Variants in SHROOM2 observed in about 807,000 individuals in gnomAD.
The protein encoded by SHROOM2 is shroom family member 2, also known as protein Shroom2.
Under a neutral mutation model 75.9 loss-of-function variants are expected in SHROOM2, and 33 were observed. The ratio of observed to expected loss-of-function variants is 0.43; its 90% CI spans 0.33 to 0.58. SHROOM2 has a LOEUF of 0.58. Among genes scored for constraint, SHROOM2 ranks in the 20% least tolerant of loss-of-function variants. SHROOM2 has a pLI of 0.04. For synonymous variants in SHROOM2, 655 were observed against 663.6 expected (o/e 0.99, Z 0.20); for missense variants, 1,434 against 1,461.2 (o/e 0.98, Z 0.30).
chrX:9,822,673 G>A (rs1289290975), intron 1 of SHROOM2, among the ~76,000 whole-genome samples: 5 of 112,664 alleles, frequency 4.4e-5, no homozygotes, highest in African/African-American at 1.6e-4. Context: ...CTGGCTCCTG[G>A]ATCTGTGCTC....
chrX:9,813,645 G>T (rs762466786), intron 1 of SHROOM2, among the ~76,000 whole-genome samples: 61 of 111,892 alleles, frequency 5.5e-4, no homozygotes, highest in African/African-American at 1.9e-3. Flanking sequence ...TCTGGAAATT[G>T]ATTGAGGGGC....
chrX:9,891,868 GGTGT>G (rs113988652), intron 3 of SHROOM2, among the ~76,000 whole-genome samples: 2,294 of 103,738 alleles, frequency 0.022, 50 homozygotes, highest in East Asian at 0.091. Context: ...GAGCATGTTT[GGTGT>G]GTGTGTGTGT....
intron 3 of SHROOM2, 67 bp from the exon 4 acceptor site, chrX:9,894,291 C>T (rs976675586): frequency 1.6e-5 from 17 of 1,051,686 alleles, no homozygotes; most frequent in South Asian, 6.5e-5. Flanking sequence ...CTGCGTCCAC[C>T]GCCTTGCCCT....
At chrX:9,896,775 G>C in intron 4 of SHROOM2, 77 bp downstream of exon 4, 2 of 1,014,634 alleles carry the variant, frequency 2.0e-6, no homozygotes, top group Non-Finnish European at 2.6e-6. Flanking sequence ...AGTGGCTGAC[G>C]CCAGGGCTAC....
intron 5 of SHROOM2, among the ~76,000 whole-genome samples, chrX:9,926,571 T>G (rs2084596107): frequency 9.0e-6 from 1 of 111,387 alleles, no homozygotes; most frequent in African/African-American, 3.3e-5. Context: ...CTTTTCACTG[T>G]TGAGTGCTTA....
intron 8 of SHROOM2, among the ~76,000 whole-genome samples, chrX:9,940,785 C>T (rs2084762242): frequency 1.8e-5 from 2 of 112,318 alleles, no homozygotes; most frequent in African/African-American, 6.5e-5. Flanking sequence ...TGCTCTGTAG[C>T]TGCTTCAGGG....
chrX:9,915,318 G>A (rs771580550), intron 5 of SHROOM2, among the ~76,000 whole-genome samples: 9 of 110,378 alleles, frequency 8.2e-5, no homozygotes, highest in East Asian at 2.8e-4. Context: ...CTCATTTGCC[G>A]TCATTATTTC....
intron 1 of SHROOM2, among the ~76,000 whole-genome samples, chrX:9,870,403 A>G (rs1034285559): frequency 3.6e-5 from 4 of 112,326 alleles, no homozygotes; most frequent in South Asian, 3.7e-4. Context: ...GTAATTGTCT[A>G]TGCTTTTCTC....
intron 3 of SHROOM2, among the ~76,000 whole-genome samples, chrX:9,892,981 C>T (rs2084302584): frequency 8.9e-6 from 1 of 112,729 alleles, no homozygotes; most frequent in East Asian, 2.8e-4. Flanking sequence ...AACTCACCGT[C>T]AATTTCATCC....
intron 5 of SHROOM2, among the ~76,000 whole-genome samples, chrX:9,926,870 T>C (rs1241635328): frequency 9.0e-6 from 1 of 110,799 alleles, no homozygotes; most frequent in Non-Finnish European, 1.9e-5. Context: ...TGTGTAAATA[T>C]TCCAAAATCC....
At chrX:9,793,439 G>A (rs2083678490) in intron 1 of SHROOM2, among the ~76,000 whole-genome samples, 1 of 109,728 alleles carries the variant, frequency 9.1e-6, no homozygotes, top group African/African-American at 3.3e-5. Context: ...ACAGGCTCGA[G>A]CCACCATGCC....
At position 9,932,243 on chromosome X, in the gene SHROOM2, C is replaced by G. The variant is rs764033303; in HGVS notation, c.2960C>G (p.Pro987Arg). 2 of 1,176,959 alleles carry G rather than the reference C, an allele frequency of 1.7e-6. No homozygotes were observed. The highest frequency in any genetic ancestry group is 1.8e-5 in the African/African-American group (1 of 56,468). Residue 987 changes from proline to arginine, a missense_variant, in exon 6 of 10, where the codon CCG becomes CGG. Pro to Arg is a moderately radical substitution (Grantham distance 103, BLOSUM62 -2). Around this residue, in one of 3 missense-constraint regions of SHROOM2, gnomAD observed 1,340 missense variants for 1,338.3 expected, o/e 1.00. Transcript: ENST00000380913. ...CAGCACCCACCGAGTCAGAAGGCACCGAACCCACCCACATTCTCTGAACTA... is the reference window on the plus strand; with the variant it reads ...CAGCACCCACCGAGTCAGAAGGCACGGAACCCACCCACATTCTCTGAACTA... Reference protein sequence around the residue: ...SQQHPPSQKAPNPPTFSELSH... With the variant: ...SQQHPPSQKARNPPTFSELSH...
chrX:9,897,680 C>CAAAAAAAAAAAAAAAAAAAAAAAAA lies in SHROOM2; in HGVS notation c.2791-490_2791-489insAAAAAAAAAAAAAAAAAAAAAAAAA, dbSNP rs56026461. ...TGGGCAAAAGAGCAAGACCCTGTCT[C>CAAAAAAAAAAAAAAAAAAAAAAAAA]AAAAAAAAAAAAAAAAAAAAGAACC... On this transcript the variant is annotated intron_variant, in intron 4 of 9. Transcript: ENST00000380913. 8.5e-5 allele frequency among the ~76,000 whole-genome samples: 6 copies of CAAAAAAAAAAAAAAAAAAAAAAAAA among 70,609 alleles called. 1 individual carries two copies. Among genetic ancestry groups the CAAAAAAAAAAAAAAAAAAAAAAAAA allele is most frequent in the African/African-American group, 3.6e-4 (6 of 16,636 alleles). The allele number at this position is 70,609 out of a possible 115,157, so 61.3% of individuals were successfully genotyped here.
chrX:9,843,214 A>G (rs1284624381), intron 1 of SHROOM2, among the ~76,000 whole-genome samples: 1 of 107,751 alleles, frequency 9.3e-6, no homozygotes, highest in Non-Finnish European at 1.9e-5. Context: ...TTTTCTTCCA[A>G]TTACCATATA....
chrX:9,875,654 C>A (rs2084197077), intron 2 of SHROOM2, among the ~76,000 whole-genome samples: 1 of 112,323 alleles, frequency 8.9e-6, no homozygotes, highest in Admixed American at 9.4e-5. Flanking sequence ...ATGGGAGTTC[C>A]TGAGTCGGAA....
chrX:9,817,274 C>T (rs759910759), intron 1 of SHROOM2, among the ~76,000 whole-genome samples: 2 of 75,099 alleles, frequency 2.7e-5, no homozygotes, highest in East Asian at 9.9e-4. Flanking sequence ...CACCCAACCT[C>T]CCTCTAACTT....
At position 9,899,639 on chromosome X, in the gene SHROOM2, G is replaced by C. The variant is rs758517786; in HGVS notation, c.2891+1349G>C. 4.4e-5 allele frequency among the ~76,000 whole-genome samples: 5 copies of C among 112,497 alleles called. No individual in the cohort carries two copies. In the South Asian group the frequency reaches 1.8e-3, roughly 41 times the overall value. On this transcript the variant is annotated intron_variant, in intron 5 of 9. Coordinates refer to ENST00000380913, the MANE Select transcript of SHROOM2 (RefSeq NM_001649.4). ...CAACGACAGGATTGATATTGTGTGT[G>C]TGCTTGTGTAGGAAGTCTCTGCAGT...
At chrX:9,927,064 T>C (rs2084601227) in intron 5 of SHROOM2, among the ~76,000 whole-genome samples, 1 of 111,014 alleles carries the variant, frequency 9.0e-6, no homozygotes, top group Admixed American at 9.6e-5. Flanking sequence ...AAAGTAGTTA[T>C]GATGCCTGTG....
chrX:9,821,054 G>A (rs904179593), intron 1 of SHROOM2, among the ~76,000 whole-genome samples: 1 of 112,026 alleles, frequency 8.9e-6, no homozygotes, highest in Non-Finnish European at 1.9e-5. Flanking sequence ...AGCAGCATCA[G>A]TATCCCCTGG....
Sources: gnomAD v4.1 joint callset for allele counts (sites outside exome capture counted in the v4.1 genomes callset) on GRCh38, gnomAD v4.1.1 for gene constraint, gnomAD v4.1.1 regional missense constraint, MANE v1.5 for transcripts, NCBI Gene and HGNC (gene_info 2026-07-23, HGNC 2026-07-21) for gene names.